MRPS9: variants seen among roughly 807,000 people sequenced by gnomAD.
MRPS9 encodes mitochondrial ribosomal protein S9.
Under a neutral mutation model 59.9 loss-of-function variants are expected in MRPS9, and 45 were observed. That is an observed-to-expected ratio of 0.75 (90% CI 0.59 to 0.96). The LOEUF is 0.96. Ranked by LOEUF, MRPS9 falls within the 40% of genes least tolerant of loss-of-function variation. The pLI is 0.00. For missense variants in MRPS9, 473 were observed against 481.1 expected, an observed-to-expected ratio of 0.98 and a Z score of 0.16; for synonymous variants, 171 against 166.8, an observed-to-expected ratio of 1.03 and a Z score of -0.19.
chr2:105,058,790 C>T (rs1679841573), intron 2 of MRPS9, among the ~76,000 whole-genome samples: 1 of 151,908 alleles, frequency 6.6e-6, no homozygotes, highest in South Asian at 2.1e-4. Context: ...AGCAATTCTC[C>T]TGCCTCAGCC....
At chr2:105,051,412 C>G (rs1679708593) in intron 2 of MRPS9, among the ~76,000 whole-genome samples, 1 of 152,114 alleles carries the variant, frequency 6.6e-6, no homozygotes, top group Non-Finnish European at 1.5e-5. Context: ...ATCCTTATGC[C>G]AGTACCACTT....
chr2:105,097,427 C>T (rs1680690213), intron 10 of MRPS9, 103 bp downstream of exon 10: 1 of 1,041,610 alleles, frequency 9.6e-7, no homozygotes, highest in Non-Finnish European at 1.3e-6. Flanking sequence ...TATATAGTTA[C>T]ATATGTAATA....
intron 2 of MRPS9, among the ~76,000 whole-genome samples, chr2:105,055,587 A>ATTGCATTTTATTAAATATAGTGGG (rs1558752539): frequency 1.7e-5 from 2 of 119,784 alleles, no homozygotes; most frequent in African/African-American, 3.1e-5. Context: ...AATATAGCGG[A>ATTGCATTTTATTAAATATAGTGGG]CCCCTTTTGG....
intron 1 of MRPS9, among the ~76,000 whole-genome samples, chr2:105,047,706 A>G (rs1220618640): frequency 4.6e-5 from 7 of 152,218 alleles, no homozygotes; most frequent in African/African-American, 1.4e-4. Flanking sequence ...AGTTATTTCC[A>G]GCTACGGGAT....
intron 4 of MRPS9, among the ~76,000 whole-genome samples, chr2:105,075,244 C>T (rs552434033): frequency 2.6e-5 from 4 of 152,312 alleles, no homozygotes; most frequent in East Asian, 1.9e-4. Context: ...TGAAGCTATG[C>T]TGGTCTGTGG....
At chr2:105,058,363 A>T (rs917910630) in intron 2 of MRPS9, among the ~76,000 whole-genome samples, 6 of 152,198 alleles carry the variant, frequency 3.9e-5, no homozygotes, top group African/African-American at 1.4e-4. Context: ...CCCAGCTGGG[A>T]TGCCTAATTA....
At chr2:105,043,385 G>A (rs952053089) in intron 1 of MRPS9, among the ~76,000 whole-genome samples, 3 of 151,928 alleles carry the variant, frequency 2.0e-5, no homozygotes, top group Non-Finnish European at 4.4e-5. Context: ...GTTCTTTTTC[G>A]CTGGTTATAG....
intron 4 of MRPS9, among the ~76,000 whole-genome samples, chr2:105,077,538 A>G (rs1680237332): frequency 6.6e-6 from 1 of 152,206 alleles, no homozygotes; most frequent in South Asian, 2.1e-4. Context: ...TATATCTTTA[A>G]AAGAACCACA....
At chr2:105,086,288 C>T (rs373508801) in intron 5 of MRPS9, among the ~76,000 whole-genome samples, 1 of 152,102 alleles carries the variant, frequency 6.6e-6, no homozygotes, top group Non-Finnish European at 1.5e-5. Context: ...ACAAATGAAT[C>T]GAATTCATCG....
intron 2 of MRPS9, among the ~76,000 whole-genome samples, chr2:105,049,578 C>T (rs1257731490): frequency 1.3e-5 from 2 of 152,166 alleles, no homozygotes; most frequent in African/African-American, 4.8e-5. Flanking sequence ...TATAAATGCT[C>T]ATACACTATT....
chr2:105,066,439 G>A (rs867852347), intron 2 of MRPS9, among the ~76,000 whole-genome samples: 3 of 152,162 alleles, frequency 2.0e-5, no homozygotes, highest in Admixed American at 1.3e-4. Flanking sequence ...GTAAGCCCCA[G>A]ACATCCTTTG....
intron 2 of MRPS9, among the ~76,000 whole-genome samples, chr2:105,065,487 A>G (rs991558194): frequency 6.6e-6 from 1 of 152,176 alleles, no homozygotes; most frequent in African/African-American, 2.4e-5. Context: ...TTAGTGAATG[A>G]CTACTAGTTG....
At chr2:105,085,339 T>G (rs1482303247) in intron 5 of MRPS9, among the ~76,000 whole-genome samples, 1 of 152,182 alleles carries the variant, frequency 6.6e-6, no homozygotes, top group African/African-American at 2.4e-5. Context: ...TTTCTGTGAT[T>G]TCTTTAACAA....
intron 1 of MRPS9, among the ~76,000 whole-genome samples, chr2:105,039,240 AC>A (rs1056637105): frequency 4.7e-5 from 7 of 148,850 alleles, no homozygotes; most frequent in South Asian, 2.1e-4. Flanking sequence ...AAAAAAAAAA[AC>A]ATCTTTTTGT....
intron 1 of MRPS9, chr2:105,038,584 G>A (rs1290721699): frequency 5.0e-6 from 1 of 200,086 alleles, no homozygotes; most frequent in Non-Finnish European, 1.0e-5. Context: ...CCGCGCCAGA[G>A]AAGAATGATG....
At chr2:105,044,722 A>AT (rs1679564089) in intron 1 of MRPS9, among the ~76,000 whole-genome samples, 1 of 152,244 alleles carries the variant, frequency 6.6e-6, no homozygotes, top group Non-Finnish European at 1.5e-5. Context: ...GTGAAAAACC[A>AT]AGTCTTCAAT....
chr2:105,092,624 T>C (rs1680584384), intron 8 of MRPS9, 55 bp downstream of exon 8: 1 of 1,347,884 alleles, frequency 7.4e-7, no homozygotes, highest in Non-Finnish European at 9.9e-7. Context: ...AAAACTACAA[T>C]TATTTTTATT....
At chr2:105,087,773 G>GTCCC (rs201025039) in intron 5 of MRPS9, among the ~76,000 whole-genome samples, 10 of 132,522 alleles carry the variant, frequency 7.5e-5, no homozygotes, top group African/African-American at 1.6e-4. Flanking sequence ...TCTGTACTTC[G>GTCCC]TCCCTCCCTC....
chr2:105,076,989 C>T (rs550352005), intron 4 of MRPS9, among the ~76,000 whole-genome samples: 1 of 152,206 alleles, frequency 6.6e-6, no homozygotes, highest in African/African-American at 2.4e-5. Flanking sequence ...TGGCTCACCC[C>T]TGTAATCCCA....
Sources: gnomAD v4.1 joint callset for allele counts (sites outside exome capture counted in the v4.1 genomes callset) on GRCh38, gnomAD v4.1.1 for gene constraint, MANE v1.5 for transcripts, NCBI Gene and HGNC (gene_info 2026-07-23, HGNC 2026-07-21) for gene names.